The following KCNAB1 variants were observed in gnomAD, a reference collection of about 807,000 sequenced individuals.
KCNAB1 encodes potassium voltage-gated channel subfamily A regulatory beta subunit 1.
Under a neutral mutation model 64.6 loss-of-function variants are expected in KCNAB1, and 35 were observed. The observed-to-expected ratio is 0.54, with a 90% CI of 0.41 to 0.72. The LOEUF is 0.72. Ranked by LOEUF, KCNAB1 falls within the 30% of genes least tolerant of loss-of-function variation. The pLI is 0.00. For synonymous variants in KCNAB1, 177 were observed against 183.8 expected (o/e 0.96, Z 0.30); for missense variants, 401 against 512.9 (o/e 0.78, Z 2.11).
intron 2 of KCNAB1, among the ~76,000 whole-genome samples, chr3:156,447,508 A>G (rs1162661744): frequency 6.6e-6 from 1 of 152,176 alleles, no homozygotes; most frequent in Non-Finnish European, 1.5e-5. Flanking sequence ...TAATATTATA[A>G]TTGCATTTAC....
At chr3:156,258,750 A>G (rs1361985394) in intron 1 of KCNAB1, among the ~76,000 whole-genome samples, 1 of 152,212 alleles carries the variant, frequency 6.6e-6, no homozygotes, top group Non-Finnish European at 1.5e-5. Context: ...TACTCAATTA[A>G]AAGCCCCAAG....
chr3:156,434,216 T>C (rs190627226), intron 2 of KCNAB1, among the ~76,000 whole-genome samples: 59 of 152,150 alleles, frequency 3.9e-4, no homozygotes, highest in Non-Finnish European at 6.2e-4. Context: ...ACTCCAGGAG[T>C]CACTTGGCCA....
intron 1 of KCNAB1, among the ~76,000 whole-genome samples, chr3:156,241,494 G>A (rs1717162522): frequency 6.6e-6 from 1 of 152,202 alleles, no homozygotes; most frequent in Non-Finnish European, 1.5e-5. Context: ...TTTGCCTTCT[G>A]AGTTGGATTC....
chr3:156,496,074 G>A (rs958741596), intron 8 of KCNAB1, among the ~76,000 whole-genome samples: 1 of 152,158 alleles, frequency 6.6e-6, no homozygotes, highest in Admixed American at 6.5e-5. Flanking sequence ...ATGTGTTTGT[G>A]TGTGTAAGAG....
At chr3:156,469,159 G>T (rs1228109864) in intron 7 of KCNAB1, among the ~76,000 whole-genome samples, 2 of 151,774 alleles carry the variant, frequency 1.3e-5, no homozygotes, top group African/African-American at 4.8e-5. Context: ...GAGAAGGTCT[G>T]CTACTATGCT....
intron 1 of KCNAB1, among the ~76,000 whole-genome samples, chr3:156,286,003 G>T (rs1720080988): frequency 6.6e-6 from 1 of 152,170 alleles, no homozygotes; most frequent in South Asian, 2.1e-4. Context: ...TATGGTCCTG[G>T]ACATGTGGCT....
chr3:156,299,435 A>G (rs1721010109), intron 1 of KCNAB1, among the ~76,000 whole-genome samples: 1 of 152,340 alleles, frequency 6.6e-6, no homozygotes, highest in Middle Eastern at 3.4e-3. Context: ...TAACTTCCAG[A>G]TGATAGCATG....
At chr3:156,489,819 T>G (rs934899822) in intron 8 of KCNAB1, among the ~76,000 whole-genome samples, 6 of 152,050 alleles carry the variant, frequency 3.9e-5, no homozygotes, top group African/African-American at 1.2e-4. Flanking sequence ...TTTTTTTAAG[T>G]GCCTGCAGAT....
In KCNAB1 at chr3:156,531,504, A is replaced by G. The variant is rs1172687877; in HGVS notation, c.1170+7A>G. 6.3e-7 allele frequency: 1 copy of G among 1,596,796 alleles called. No homozygotes were observed. Among genetic ancestry groups the G allele is most frequent in the East Asian group, 2.2e-5 (1 of 44,800 alleles). ...AAACCTTGGTGCCATTCAGGCAAGT[A>G]CTGCAGCCCCTTCCAACATCAGGGA... is the stretch of plus-strand genomic sequence containing the variant. On this transcript the variant is annotated splice_region_variant and intron_variant, in intron 13 of 13. Transcript: ENST00000490337.
chr3:156,221,147 G>A (rs1272771314), intron 1 of KCNAB1, among the ~76,000 whole-genome samples: 2 of 152,212 alleles, frequency 1.3e-5, no homozygotes, highest in African/African-American at 4.8e-5. Context: ...AAGTCAGGTA[G>A]CATGATACCT....
chr3:156,271,268 A>T (rs1180192921), intron 1 of KCNAB1, among the ~76,000 whole-genome samples: 1 of 152,066 alleles, frequency 6.6e-6, no homozygotes, highest in Non-Finnish European at 1.5e-5. Flanking sequence ...CCCTTTAAAT[A>T]CACTTTCCAC....
intron 1 of KCNAB1, among the ~76,000 whole-genome samples, chr3:156,391,421 C>A (rs1448637760): frequency 1.3e-5 from 2 of 152,146 alleles, no homozygotes; most frequent in Non-Finnish European, 2.9e-5. Context: ...ATGGTCCTTT[C>A]ATTTTGTTAT....
chr3:156,421,506 C>T (rs765481652), intron 1 of KCNAB1, 110 bp from the exon 2 acceptor site: 30 of 1,038,798 alleles, frequency 2.9e-5, no homozygotes, highest in Non-Finnish European at 3.9e-5. Context: ...GGTTCTGCCT[C>T]TATCAGGACT....
At chr3:156,232,655 G>A (rs1322910503) in intron 1 of KCNAB1, among the ~76,000 whole-genome samples, 4 of 152,226 alleles carry the variant, frequency 2.6e-5, no homozygotes, top group African/African-American at 9.6e-5. Context: ...AAATGCAAAG[G>A]TGGTTTTTCA....
chr3:156,209,043 C>T lies in KCNAB1; in HGVS notation c.275+88157C>T, dbSNP rs1005124924. 5.9e-5 allele frequency among the ~76,000 whole-genome samples: 9 copies of T among 152,244 alleles called. No homozygotes were observed. In the East Asian group the frequency reaches 1.5e-3, roughly 26 times the overall value. On this transcript the variant is annotated intron_variant, in intron 1 of 13. Coordinates refer to ENST00000490337, the MANE Select transcript of KCNAB1 (RefSeq NM_172160.3). ...TTCATGTATTTAGTGTTAAAAGAGGCGTAAGATACTATGTTTTTTAAACTT... is the reference window on the plus strand; with the variant it reads ...TTCATGTATTTAGTGTTAAAAGAGGTGTAAGATACTATGTTTTTTAAACTT...
chr3:156,459,904 A>T (rs745861685), intron 5 of KCNAB1, 33 bp downstream of exon 5: 2 of 1,534,850 alleles, frequency 1.3e-6, no homozygotes, highest in Non-Finnish European at 1.8e-6. Flanking sequence ...TTGTTTTTAA[A>T]AAGGTATTAT....
chr3:156,222,744 G>A (rs1288994642), intron 1 of KCNAB1, among the ~76,000 whole-genome samples: 2 of 152,178 alleles, frequency 1.3e-5, no homozygotes, highest in Non-Finnish European at 2.9e-5. Context: ...TCAGACTACA[G>A]TGGAATAAAA....
At chr3:156,126,590 C>G (rs1713669607) in intron 1 of KCNAB1, among the ~76,000 whole-genome samples, 2 of 152,148 alleles carry the variant, frequency 1.3e-5, no homozygotes, top group Admixed American at 1.3e-4. Flanking sequence ...TGAAAAAGCT[C>G]TGGAGTCTGG....
intron 8 of KCNAB1, among the ~76,000 whole-genome samples, chr3:156,513,893 C>A (rs1438941240): frequency 6.6e-6 from 1 of 152,168 alleles, no homozygotes; most frequent in Non-Finnish European, 1.5e-5. Context: ...CTCTTAGAGA[C>A]CCATTCTGTG....
Sources: allele counts gnomAD v4.1 joint callset (sites outside exome capture counted in the v4.1 genomes callset), GRCh38; gene constraint gnomAD v4.1.1; transcripts MANE v1.5; gene names NCBI Gene and HGNC (gene_info 2026-07-23, HGNC 2026-07-21).